The following CTNND2 variants were observed in gnomAD, a reference collection of about 807,000 sequenced individuals.
The protein encoded by CTNND2 is catenin delta 2.
A neutral mutation model predicts 144.4 loss-of-function variants in CTNND2; 22 were observed. The observed-to-expected ratio is 0.15, with a 90% confidence interval of 0.11 to 0.22. The LOEUF (loss-of-function observed/expected upper bound fraction) is 0.22. Among genes scored for constraint, CTNND2 ranks in the 10% least tolerant of loss-of-function variants. The pLI, the probability that CTNND2 is intolerant of heterozygous loss-of-function variation, is 1.00. For synonymous variants in CTNND2, 751 were observed against 695.6 expected (o/e 1.08, Z -1.25); for missense variants, 1,353 against 1,618.8 (o/e 0.84, Z 2.82).
intron 3 of CTNND2, among the ~76,000 whole-genome samples, chr5:11,434,650 A>G (rs1302413101): frequency 6.6e-6 from 1 of 152,232 alleles, no homozygotes; most frequent in Non-Finnish European, 1.5e-5. Context: ...GAGGGGGTAG[A>G]AAAAGGGGTA....
chr5:11,826,540 C>T (rs1407902303), intron 1 of CTNND2, among the ~76,000 whole-genome samples: 1 of 151,566 alleles, frequency 6.6e-6, no homozygotes, highest in Non-Finnish European at 1.5e-5. Context: ...TAAATATCAC[C>T]AAATAAAAGG....
chr5:11,050,837 A>G (rs1169196026), intron 16 of CTNND2, among the ~76,000 whole-genome samples: 1 of 152,176 alleles, frequency 6.6e-6, no homozygotes, highest in Admixed American at 6.5e-5. Context: ...CCAACCAGAG[A>G]AGGCCAGGCA....
intron 15 of CTNND2, among the ~76,000 whole-genome samples, chr5:11,091,847 C>T (rs1750805905): frequency 6.6e-6 from 1 of 152,160 alleles, no homozygotes; most frequent in African/African-American, 2.4e-5. Flanking sequence ...GTGTTTCTTT[C>T]CCAGCCTTGG....
intron 12 of CTNND2, among the ~76,000 whole-genome samples, chr5:11,138,844 A>T (rs1756414180): frequency 1.3e-5 from 2 of 152,312 alleles, no homozygotes; most frequent in South Asian, 4.1e-4. Flanking sequence ...ATGAAGTGGT[A>T]CTGCTGCATT....
chr5:11,174,471 T>G (rs887244719), intron 11 of CTNND2, among the ~76,000 whole-genome samples: 5 of 152,232 alleles, frequency 3.3e-5, no homozygotes, highest in African/African-American at 1.2e-4. Flanking sequence ...GGTTTGCTAC[T>G]CTTGAATGTC....
At chr5:10,996,990 C>T (rs1739416474) in intron 18 of CTNND2, among the ~76,000 whole-genome samples, 2 of 152,086 alleles carry the variant, frequency 1.3e-5, no homozygotes. Flanking sequence ...ACTGGCTGCT[C>T]AGAGCCTTTG....
rs563277422 is a variant in CTNND2, at chr5:11,629,421, C to A, written c.175-64365G>T. 3.9e-5 allele frequency among the ~76,000 whole-genome samples: 6 copies of A among 152,230 alleles called. No homozygotes were observed. In the East Asian group the frequency reaches 1.2e-3, roughly 29 times the overall value. On this transcript the variant is annotated intron_variant, in intron 2 of 21. Transcript: ENST00000304623. Reference sequence around the variant, plus strand: ...ACCCCATTCCCTACCCCTGGCATCTCGTTAAAATTCTCCAGGTCACTAAAA... The same window carrying A: ...ACCCCATTCCCTACCCCTGGCATCTAGTTAAAATTCTCCAGGTCACTAAAA...
intron 2 of CTNND2, among the ~76,000 whole-genome samples, chr5:11,593,078 T>C (rs1293554895): frequency 6.6e-6 from 1 of 151,912 alleles, no homozygotes; most frequent in South Asian, 2.1e-4. Flanking sequence ...ATCAACTCCA[T>C]CTGGAGTGAA....
At position 11,527,265 on chromosome 5, in the gene CTNND2, T is replaced by C. The variant is rs1383853771; in HGVS notation, c.287+37679A>G. 2.6e-5 allele frequency among the ~76,000 whole-genome samples: 4 copies of C among 152,234 alleles called. No homozygotes were observed. In the East Asian group the frequency reaches 7.7e-4, roughly 29 times the overall value. On this transcript the variant is annotated intron_variant, in intron 3 of 21. Transcript: ENST00000304623. ...AATAAAAAAAAAGAAAAAACTAAGA[T>C]GCAAAGAAGTAGAATACAGTTCTCC... is the stretch of plus-strand genomic sequence containing the variant.
At chr5:11,778,254 A>C (rs949571355) in intron 1 of CTNND2, among the ~76,000 whole-genome samples, 1 of 152,060 alleles carries the variant, frequency 6.6e-6, no homozygotes, top group East Asian at 1.9e-4. Context: ...CTCAAAATGC[A>C]CATCATGTCT....
intron 16 of CTNND2, among the ~76,000 whole-genome samples, chr5:11,075,776 C>G (rs1298640277): frequency 1.3e-5 from 2 of 152,246 alleles, no homozygotes; most frequent in South Asian, 2.1e-4. Context: ...CAATCTCAAG[C>G]CTCTTCCACA....
At position 11,838,251 on chromosome 5, in the gene CTNND2, T is replaced by G. The variant is rs145470591; in HGVS notation, c.37+65566A>C. On this transcript the variant is annotated intron_variant, in intron 1 of 21. Transcript: ENST00000304623. Reference sequence around the variant, plus strand: ...TGTTTCCACCAAACTTCAGAATTCCTGAGATGAATCTTTACGCCTTGTGGA... The same window carrying G: ...TGTTTCCACCAAACTTCAGAATTCCGGAGATGAATCTTTACGCCTTGTGGA... Among the ~76,000 whole-genome samples the G allele has an allele frequency of 3.3e-5, 5 of 152,342 alleles. No individual in the cohort carries two copies. The East Asian group carries it at 9.6e-4, about 29-fold the overall frequency.
rs114160421 is a variant in CTNND2, at chr5:11,755,394, C to G, written c.38-23122G>C. ...TAATATTTTTTTCTTTCACTTCAAT[C>G]CTAGAGAATCTGATGACTATGTGTC... On this transcript the variant is annotated intron_variant, in intron 1 of 21. Coordinates refer to ENST00000304623, the MANE Select transcript of CTNND2 (RefSeq NM_001332.4). Among the ~76,000 whole-genome samples, 602 of 151,680 alleles carry G rather than the reference C, an allele frequency of 4.0e-3. 4 individuals carry two copies. Among genetic ancestry groups the G allele is most frequent in the African/African-American group, 0.014 (561 of 41,444 alleles).
chr5:11,289,602 C>G (rs1748113982), intron 9 of CTNND2, among the ~76,000 whole-genome samples: 1 of 152,174 alleles, frequency 6.6e-6, no homozygotes, highest in African/African-American at 2.4e-5. Flanking sequence ...GCCTTTGGAT[C>G]CAAGTGACAA....
At chr5:11,069,693 CAGAG>C (rs3032076) in intron 16 of CTNND2, among the ~76,000 whole-genome samples, 32,305 of 120,714 alleles carry the variant, frequency 0.27, 3,649 homozygotes, top group South Asian at 0.3. Flanking sequence ...GACAGAGAGA[CAGAG>C]AGAGAGAGAA....
intron 2 of CTNND2, among the ~76,000 whole-genome samples, chr5:11,594,300 T>C (rs1014957988): frequency 3.3e-5 from 5 of 152,198 alleles, no homozygotes; most frequent in Non-Finnish European, 7.3e-5. Context: ...TGGAATATAT[T>C]AGGCTGGTGC....
At chr5:11,768,214 G>A (rs2126818966) in intron 1 of CTNND2, among the ~76,000 whole-genome samples, 1 of 152,284 alleles carries the variant, frequency 6.6e-6, no homozygotes, top group South Asian at 2.1e-4. Context: ...ATTATACTAA[G>A]TCATGAGCAG....
intron 2 of CTNND2, among the ~76,000 whole-genome samples, chr5:11,714,308 A>AT (rs997586296): frequency 9.9e-5 from 15 of 151,474 alleles, no homozygotes; most frequent in African/African-American, 2.4e-4. Flanking sequence ...GATAATGACA[A>AT]TTTTTTTTTA....
At chr5:11,887,872 T>G (rs921119004) in intron 1 of CTNND2, among the ~76,000 whole-genome samples, 2 of 152,170 alleles carry the variant, frequency 1.3e-5, no homozygotes, top group African/African-American at 4.8e-5. Context: ...TTCCACATGA[T>G]TAGACTGAGG....
Sources: gnomAD v4.1 joint callset for allele counts (sites outside exome capture counted in the v4.1 genomes callset) on GRCh38, gnomAD v4.1.1 for gene constraint, MANE v1.5 for transcripts, NCBI Gene and HGNC (gene_info 2026-07-23, HGNC 2026-07-21) for gene names.